FBN1: variants seen among roughly 807,000 people sequenced by gnomAD.
FBN1 encodes the protein fibrillin-1.
FBN1 carries 29 observed loss-of-function variants against 365.1 expected under a neutral mutation model. That is an observed-to-expected ratio of 0.08 (90% confidence interval 0.06 to 0.11). The LOEUF (loss-of-function observed/expected upper bound fraction) is 0.11. Ranked by LOEUF, FBN1 falls within the 10% of genes least tolerant of loss-of-function variation. The pLI is 1.00. For synonymous variants in FBN1, 1,210 were observed against 1,270.5 expected, an observed-to-expected ratio of 0.95 and a Z score of 1.01; for missense variants, 2,476 against 3,703.2, an observed-to-expected ratio of 0.67 and a Z score of 8.60.
intron 8 of FBN1, chr15:48,529,713 C>T (rs985646321): frequency 6.6e-6 from 1 of 150,702 alleles, no homozygotes; most frequent in East Asian, 1.9e-4. Context: ...AGCCTGTGAG[C>T]TTAACTTTGA....
At chr15:48,471,223 G>C (rs909729746) in intron 35 of FBN1, among the ~76,000 whole-genome samples, 2 of 151,952 alleles carry the variant, frequency 1.3e-5, no homozygotes, top group African/African-American at 4.8e-5. Flanking sequence ...GTTTGCCTTT[G>C]TTGACGGAGA....
At chr15:48,563,534 C>T (rs972057073) in intron 6 of FBN1, among the ~76,000 whole-genome samples, 1 of 152,160 alleles carries the variant, frequency 6.6e-6, no homozygotes, top group Admixed American at 6.5e-5. Flanking sequence ...AGCCTAAGTT[C>T]CAAATATATA....
At chr15:48,571,604 G>T (rs1331623216) in intron 6 of FBN1, among the ~76,000 whole-genome samples, 1 of 152,080 alleles carries the variant, frequency 6.6e-6, no homozygotes, top group African/African-American at 2.4e-5. Flanking sequence ...CTATTGTTGG[G>T]AATAAGCAAG....
At chr15:48,485,186 T>C (rs1452679952) in intron 30 of FBN1, among the ~76,000 whole-genome samples, 188 bp downstream of exon 30, 1 of 152,238 alleles carries the variant, frequency 6.6e-6, no homozygotes, top group Non-Finnish European at 1.5e-5. Context: ...TACTATTTTA[T>C]GCAGGCAATT....
At chr15:48,487,966 T>C in intron 27 of FBN1, 147 bp downstream of exon 27, 3 of 1,060,862 alleles carry the variant, frequency 2.8e-6, no homozygotes, top group South Asian at 2.6e-5. Context: ...TCATTCTTTC[T>C]ACCTCAGTCT....
intron 2 of FBN1, 92 bp from the exon 3 acceptor site, chr15:48,613,184 A>G (rs2044670729): frequency 2.1e-6 from 2 of 953,826 alleles, no homozygotes; most frequent in African/African-American, 1.6e-5. Flanking sequence ...CTGAGTTATA[A>G]AAGCAAGATG....
chr15:48,527,995 G>A (rs1238143534), intron 8 of FBN1, among the ~76,000 whole-genome samples: 1 of 152,226 alleles, frequency 6.6e-6, no homozygotes. Context: ...GTATGTCAAA[G>A]AGCCTACAGG....
At position 48,460,333 on chromosome 15, in the gene FBN1, A is replaced by C. The variant is rs1271357245; in HGVS notation, c.5225-16T>G. On this transcript the variant is annotated splice_polypyrimidine_tract_variant and intron_variant, in intron 42 of 65. Transcript: ENST00000316623. ...GCAAACTCATCTGCAATGATTAAAC[A>C]AAGGTGGGATGGGAGGATAGGGGTC... 1 of 1,583,566 alleles carries C rather than the reference A, an allele frequency of 6.3e-7. No homozygotes were observed. Among genetic ancestry groups the C allele is most frequent in the African/African-American group, 1.3e-5 (1 of 74,316 alleles).
At chr15:48,436,602 A>G (rs1490858479) in intron 53 of FBN1, among the ~76,000 whole-genome samples, 1 of 152,214 alleles carries the variant, frequency 6.6e-6, no homozygotes, top group Non-Finnish European at 1.5e-5. Flanking sequence ...TTTATTTGAT[A>G]AGGGAATAAG....
intron 32 of FBN1, among the ~76,000 whole-genome samples, chr15:48,478,143 C>T (rs930889411): frequency 3.3e-5 from 5 of 152,254 alleles, no homozygotes; most frequent in Non-Finnish European, 7.4e-5. Context: ...AGGAAGAGGG[C>T]GTTACCATGA....
chr15:48,501,996 C>A (rs2141313325), intron 17 of FBN1, among the ~76,000 whole-genome samples: 1 of 152,074 alleles, frequency 6.6e-6, no homozygotes, highest in East Asian at 1.9e-4. Flanking sequence ...TTAGCCAGAG[C>A]AGTTTTTTTC....
intron 63 of FBN1, 22 bp downstream of exon 63, chr15:48,420,665 A>T: frequency 6.2e-7 from 1 of 1,613,876 alleles, no homozygotes; most frequent in Non-Finnish European, 8.5e-7. Context: ...ATGCATCTTG[A>T]GAGTGAGGAA....
chr15:48,553,742 A>T (rs533337580), intron 6 of FBN1, among the ~76,000 whole-genome samples: 6 of 152,244 alleles, frequency 3.9e-5, no homozygotes, highest in Non-Finnish European at 8.8e-5. Context: ...TTCTAATGAC[A>T]AGTCTGATTT....
chr15:48,472,810 T>C lies in FBN1; in HGVS notation c.4211-134A>G, dbSNP rs555058767. On this transcript the variant is annotated intron_variant, in intron 34 of 65. Transcript: ENST00000316623. ...ACACATTTAAAGTCATTTATTTTTC[T>C]CTTTGGTAGGCTAACACTGAATATG... The C allele has an allele frequency of 9.2e-4, 1,129 of 1,222,888 alleles. 4 individuals carry two copies. Among genetic ancestry groups the C allele is most frequent in the Non-Finnish European group, 1.2e-3 (1,064 of 852,522 alleles). 75.8% of individuals were successfully genotyped at this position (1,222,888 alleles called of 1,614,324 possible).
At chr15:48,434,497 T>C in intron 54 of FBN1, 97 bp downstream of exon 54, 2 of 1,498,094 alleles carry the variant, frequency 1.3e-6, no homozygotes, top group Non-Finnish European at 1.9e-6. Context: ...CTTTATTATA[T>C]ACACCCTGAG....
chr15:48,519,587 C>G (rs1420736492), intron 10 of FBN1, among the ~76,000 whole-genome samples: 1 of 152,088 alleles, frequency 6.6e-6, no homozygotes, highest in Non-Finnish European at 1.5e-5. Flanking sequence ...TCGGGATATT[C>G]ATGGATTAGG....
chr15:48,451,556 T>C (rs1200037223), intron 45 of FBN1, among the ~76,000 whole-genome samples: 1 of 152,170 alleles, frequency 6.6e-6, no homozygotes, highest in Non-Finnish European at 1.5e-5. Flanking sequence ...ACAGTGCACT[T>C]CCTACCACTT....
intron 24 of FBN1, among the ~76,000 whole-genome samples, chr15:48,491,726 G>A (rs566644244): frequency 4.9e-4 from 74 of 152,276 alleles, no homozygotes; most frequent in African/African-American, 1.7e-3. Context: ...GCAAAGTACA[G>A]GTAAGCATCA....
At chr15:48,520,163 A>C (rs2043838802) in intron 10 of FBN1, among the ~76,000 whole-genome samples, 1 of 152,098 alleles carries the variant, frequency 6.6e-6, no homozygotes, top group African/African-American at 2.4e-5. Flanking sequence ...AGACTACTGG[A>C]ACAGTCCAGA....
Sources: allele counts gnomAD v4.1 joint callset (sites outside exome capture counted in the v4.1 genomes callset), GRCh38; gene constraint gnomAD v4.1.1; transcripts MANE v1.5; gene names NCBI Gene and HGNC (gene_info 2026-07-23, HGNC 2026-07-21).